Variants in RERE observed in about 807,000 individuals in gnomAD.
RERE encodes arginine-glutamic acid dipeptide repeats protein.
In RERE, 40 loss-of-function variants were observed where a neutral mutation model predicts 146.1. The ratio of observed to expected loss-of-function variants is 0.27; its 90% confidence interval spans 0.21 to 0.36. The LOEUF (loss-of-function observed/expected upper bound fraction) is 0.36. RERE is among the 10% of genes least tolerant of loss of function. The pLI, the probability that RERE is intolerant of heterozygous loss-of-function variation, is 1.00. For synonymous variants in RERE, 1,003 were observed against 866.0 expected (o/e 1.16, Z -2.78); for missense variants, 1,933 against 2,138.7 (o/e 0.90, Z 1.90).
intron 4 of RERE, among the ~76,000 whole-genome samples, chr1:8,606,700 G>A (rs1162326868): frequency 6.6e-6 from 1 of 152,108 alleles, no homozygotes; most frequent in African/African-American, 2.4e-5. Context: ...CTTTAACACA[G>A]CATGTTTCTT....
rs146488119 is a variant in RERE, at chr1:8,462,032, T to C, written c.1203+3893A>G. Among the ~76,000 whole-genome samples, 12 of 152,256 alleles carry C rather than the reference T, an allele frequency of 7.9e-5. No homozygotes were observed. In the East Asian group the frequency reaches 2.3e-3, roughly 29 times the overall value. ...GCTATTTTATTATGTTTTTAATTTT[T>C]TTGTGGAGACAAGGTCTTGCTGTGT... On this transcript the variant is annotated intron_variant, in intron 11 of 22. Coordinates refer to ENST00000400908, the MANE Select transcript of RERE (RefSeq NM_001042681.2).
intron 1 of RERE, among the ~76,000 whole-genome samples, chr1:8,688,894 C>A (rs1639148154): frequency 6.6e-6 from 1 of 152,128 alleles, no homozygotes; most frequent in African/African-American, 2.4e-5. Flanking sequence ...GAATTAAATT[C>A]ATTTTCGACA....
chr1:8,693,816 T>C (rs897168758), intron 1 of RERE, among the ~76,000 whole-genome samples: 5 of 152,134 alleles, frequency 3.3e-5, no homozygotes, highest in Non-Finnish European at 7.4e-5. Context: ...AAGATGTTAA[T>C]AGGGGAAACT....
At chr1:8,699,644 C>G (rs931817717) in intron 1 of RERE, among the ~76,000 whole-genome samples, 5 of 152,166 alleles carry the variant, frequency 3.3e-5, no homozygotes, top group African/African-American at 9.7e-5. Context: ...CTCCATTATT[C>G]CTTGGATTCA....
intron 20 of RERE, 93 bp downstream of exon 20, chr1:8,358,099 AAAAG>A: frequency 1.3e-6 from 2 of 1,506,628 alleles, no homozygotes; most frequent in Non-Finnish European, 1.8e-6. Context: ...ATCTGTTCAG[AAAAG>A]AACAGTTTCC....
chr1:8,591,153 C>T (rs2124100151), intron 4 of RERE, among the ~76,000 whole-genome samples: 1 of 152,336 alleles, frequency 6.6e-6, no homozygotes, highest in East Asian at 1.9e-4. Flanking sequence ...AGATCTACTA[C>T]ATCATGTCCC....
intron 8 of RERE, among the ~76,000 whole-genome samples, chr1:8,503,389 AG>A (rs1645207662): frequency 6.6e-6 from 1 of 152,228 alleles, no homozygotes; most frequent in Admixed American, 6.5e-5. Flanking sequence ...TATAGCCCCA[AG>A]ATACACTGGC....
intron 2 of RERE, among the ~76,000 whole-genome samples, chr1:8,648,214 CA>C (rs1360177327): frequency 2.0e-5 from 3 of 152,168 alleles, no homozygotes; most frequent in Non-Finnish European, 4.4e-5. Context: ...GTCCACTCAA[CA>C]TCATGTTTCA....
intron 2 of RERE, among the ~76,000 whole-genome samples, chr1:8,632,247 T>C (rs1408599762): frequency 1.3e-5 from 2 of 152,172 alleles, no homozygotes. Flanking sequence ...AAAATTCTTC[T>C]CTCCCCGTAT....
At chr1:8,373,101 C>G (rs905969458) in intron 12 of RERE, among the ~76,000 whole-genome samples, 6 of 152,250 alleles carry the variant, frequency 3.9e-5, no homozygotes, top group African/African-American at 1.4e-4. Context: ...AGGGGCAGGG[C>G]TGCTGAGTGC....
intron 12 of RERE, among the ~76,000 whole-genome samples, chr1:8,377,836 A>T (rs1642311586): frequency 1.3e-5 from 2 of 152,172 alleles, no homozygotes; most frequent in South Asian, 4.1e-4. Flanking sequence ...AGGGATCATC[A>T]GTTATATCTG....
At chr1:8,534,805 A>G (rs772111484) in intron 7 of RERE, among the ~76,000 whole-genome samples, 29 of 152,272 alleles carry the variant, frequency 1.9e-4, no homozygotes, top group Admixed American at 6.5e-5. Flanking sequence ...GGCAGACATC[A>G]CGTCCAGCAA....
intron 1 of RERE, among the ~76,000 whole-genome samples, chr1:8,721,471 C>T (rs553118410): frequency 5.8e-4 from 88 of 152,178 alleles, no homozygotes; most frequent in Non-Finnish European, 1.0e-3. Flanking sequence ...ACTACCACAC[C>T]CAGCTAATTT....
At chr1:8,517,758 T>G (rs752776627) in intron 7 of RERE, among the ~76,000 whole-genome samples, 2 of 152,178 alleles carry the variant, frequency 1.3e-5, no homozygotes, top group Non-Finnish European at 1.5e-5. Flanking sequence ...AACTACAACT[T>G]AATATTTCAG....
chr1:8,502,249 G>T (rs1431433029), intron 8 of RERE, among the ~76,000 whole-genome samples: 4 of 115,338 alleles, frequency 3.5e-5, no homozygotes, highest in Non-Finnish European at 5.5e-5. Flanking sequence ...ACCCCGTCCG[G>T]GAGGTGAGGG....
intron 1 of RERE, among the ~76,000 whole-genome samples, chr1:8,716,960 A>G (rs1419191906): frequency 1.3e-5 from 2 of 152,186 alleles, no homozygotes; most frequent in African/African-American, 4.8e-5. Context: ...GCCCCTCGAT[A>G]ATAATAATCT....
chr1:8,528,349 T>C (rs1645595568), intron 7 of RERE, among the ~76,000 whole-genome samples: 1 of 152,220 alleles, frequency 6.6e-6, no homozygotes, highest in African/African-American at 2.4e-5. Context: ...AAAATTACTA[T>C]GAAGGCCGTT....
At position 8,364,228 on chromosome 1, in the gene RERE, C is replaced by T. The variant is rs756860476; in HGVS notation, c.1568G>A (p.Arg523Gln). Residue 523 changes from arginine to glutamine, a missense_variant, in exon 15 of 23, where the codon CGG (arginine) becomes CAG (glutamine). By Grantham distance (43) the Arg-to-Gln change is conservative. Coordinates refer to ENST00000400908, the MANE Select transcript of RERE (RefSeq NM_001042681.2). The surrounding 1 kb of genome is among the most constrained non-coding windows in gnomAD (Gnocchi z 5.1). ...TTSKDWHHGG[R>Q]ENILLCTDCR... ...GTCGGTGCAAAGCAGGATGTTCTCC[C>T]GGCCTCCGTGGTGCCAATCTTTGGA... 6.8e-6 allele frequency: 11 copies of T among 1,614,058 alleles called. No individual in the cohort carries two copies. The highest frequency in any genetic ancestry group is 2.7e-5 in the African/African-American group (2 of 74,908).
At chr1:8,416,379 A>T (rs904502153) in intron 12 of RERE, among the ~76,000 whole-genome samples, 4 of 152,110 alleles carry the variant, frequency 2.6e-5, no homozygotes, top group Admixed American at 6.6e-5. Context: ...AGGTCAGGAG[A>T]TCGAGACCAT....
Sources: gnomAD v4.1 joint callset for allele counts (sites outside exome capture counted in the v4.1 genomes callset) on GRCh38, gnomAD v4.1.1 for gene constraint, Gnocchi (gnomAD v3.1) non-coding constraint, MANE v1.5 for transcripts, NCBI Gene and HGNC (gene_info 2026-07-23, HGNC 2026-07-21) for gene names.